TRIOBP: variants seen among roughly 807,000 people sequenced by gnomAD.
The protein encoded by TRIOBP is TRIO and F-actin binding protein.
TRIOBP carries 169 observed loss-of-function variants against 238.8 expected under a neutral mutation model. The observed-to-expected ratio is 0.71, with a 90% CI of 0.62 to 0.80. The LOEUF (loss-of-function observed/expected upper bound fraction) is 0.80, where lower values mean the gene tolerates loss of function less well. Ranked by LOEUF, TRIOBP falls within the 30% of genes least tolerant of loss-of-function variation. The pLI, the probability that TRIOBP is intolerant of heterozygous loss-of-function variation, is 0.00. For synonymous variants in TRIOBP, 1,150 were observed against 1,274.4 expected (o/e 0.90, Z 2.08); for missense variants, 2,838 against 3,122.6 (o/e 0.91, Z 2.17).
chr22:37,770,717 C>CTG (rs1018600872), intron 21 of TRIOBP, among the ~76,000 whole-genome samples: 1 of 147,490 alleles, frequency 6.8e-6, no homozygotes, highest in Non-Finnish European at 1.5e-5. Context: ...CGGAGTCACT[C>CTG]TGTCACCCAG....
chr22:37,764,335 G>A (rs1006162572), intron 17 of TRIOBP, among the ~76,000 whole-genome samples: 3 of 152,178 alleles, frequency 2.0e-5, no homozygotes, highest in African/African-American at 2.4e-5. Flanking sequence ...AGGTCTGCAC[G>A]TTTGTTCCCG....
At chr22:37,765,956 G>A (rs2145878534) in intron 18 of TRIOBP, 139 bp downstream of exon 18, 4 of 1,216,384 alleles carry the variant, frequency 3.3e-6, no homozygotes, top group Non-Finnish European at 4.5e-6. Flanking sequence ...GTCAGCAGGT[G>A]TTAGAAGCTC....
At chr22:37,708,879 G>A (rs1923089172) in intron 3 of TRIOBP, among the ~76,000 whole-genome samples, 1 of 152,214 alleles carries the variant, frequency 6.6e-6, no homozygotes, top group Admixed American at 6.5e-5. Context: ...ACTCAAGTGG[G>A]TGGTGTGGGG....
Position 37,772,624 on chromosome 22 carries a change from G to A in TRIOBP, c.6960G>A (p.Lys2320=). Residue 2320 remains lysine, a synonymous_variant, in exon 23 of 24, where the codon AAG becomes AAA. Transcript: ENST00000644935. The part of the protein sequence containing the change: ...MQKDKRFTSG[K]YQDVYVELSH... ...AGGACAAGCGCTTCACCTCGGGAAA[G>A]TACCAGGACGTCTATGTGGAGCTGA... 6.2e-7 allele frequency: 1 copy of A among 1,614,174 alleles called. No individual in the cohort carries two copies. The highest frequency in any genetic ancestry group is 8.5e-7 in the Non-Finnish European group (1 of 1,180,046).
chr22:37,716,523 G>C (rs1923529201), intron 6 of TRIOBP, among the ~76,000 whole-genome samples: 2 of 151,896 alleles, frequency 1.3e-5, no homozygotes, highest in East Asian at 3.9e-4. Context: ...TCCGCCTCCT[G>C]GGTTCAAGAG....
chr22:37,730,051 AT>A (rs1189236905), intron 7 of TRIOBP, among the ~76,000 whole-genome samples: 7 of 151,522 alleles, frequency 4.6e-5, no homozygotes, highest in African/African-American at 1.7e-4. Context: ...CTTGATCTTA[AT>A]TTTTTTTTCC....
chr22:37,738,755 G>A, intron 10 of TRIOBP, 36 bp downstream of exon 10: 1 of 1,606,434 alleles, frequency 6.2e-7, no homozygotes, highest in South Asian at 1.1e-5. Flanking sequence ...ATACGGTGGG[G>A]AAGGGAGGGG....
At position 37,757,959 on chromosome 22, in the gene TRIOBP, G is replaced by A; in HGVS notation, c.6034G>A (p.Ala2012Thr). Residue 2012 changes from alanine (A) to threonine (T), a missense_variant, in exon 16 of 24, where the codon GCC (alanine) becomes ACC (threonine). By Grantham distance (58) the Ala-to-Thr change is moderately conservative (BLOSUM62 0). Coordinates refer to ENST00000644935, the MANE Select transcript of TRIOBP (RefSeq NM_001039141.3). ...AGEGPRRGLG[A>T]PLTEDQQNRL... ...TGAGGGGCCGCGCCGGGGCCTGGGT[G>A]CCCCCCTGACTGAGGACCAGCAAAA... 3 of 1,569,420 alleles carry A rather than the reference G, an allele frequency of 1.9e-6. No individual in the cohort carries two copies. Among genetic ancestry groups the A allele is most frequent in the Non-Finnish European group, 2.6e-6 (3 of 1,158,104 alleles).
At position 37,758,624 on chromosome 22, in the gene TRIOBP, C is replaced by T. The variant is rs564412607; in HGVS notation, c.6213+486C>T. Among the ~76,000 whole-genome samples, 3 of 151,916 alleles carry T rather than the reference C, an allele frequency of 2.0e-5. No homozygotes were observed. The East Asian group carries it at 5.8e-4, about 29-fold the overall frequency. On this transcript the variant is annotated intron_variant, in intron 16 of 23. Transcript: ENST00000644935. ...CCGGGAGGCAGAGGATGCAGTGAGC[C>T]AAGATCAAGCCACTGCACTCCAGCA...
In TRIOBP at chr22:37,746,568, A is replaced by C. The variant is rs1050643196; in HGVS notation, c.5323-5204A>C. The C allele has an allele frequency of 9.9e-6, 7 of 706,110 alleles. 1 individual carries two copies. The Middle Eastern group carries it at 1.7e-3, about 172-fold the overall frequency. The allele number at this position is 706,110 out of a possible 1,614,324, so 43.7% of individuals were successfully genotyped here. On this transcript the variant is annotated intron_variant, in intron 11 of 23. Transcript: ENST00000644935. ...GGGCCGGAAGACGGGGCCACCTCCG[A>C]AGCGCTTTCGGCCAGACCGGCCTCA...
intron 10 of TRIOBP, 97 bp downstream of exon 10, chr22:37,738,816 C>A: frequency 1.5e-6 from 2 of 1,344,354 alleles, no homozygotes; most frequent in Non-Finnish European, 2.1e-6. Flanking sequence ...TAGAATCAAC[C>A]AGACCAAAGT....
At chr22:37,736,950 C>T (rs751083550) in intron 9 of TRIOBP, among the ~76,000 whole-genome samples, 7 of 152,316 alleles carry the variant, frequency 4.6e-5, no homozygotes, top group South Asian at 4.1e-4. Context: ...TTAGCCACCA[C>T]GTCACAAAGC....
chr22:37,750,684 G>A (rs1032084243), intron 11 of TRIOBP: 5 of 471,008 alleles, frequency 1.1e-5, no homozygotes, highest in South Asian at 1.5e-5. Flanking sequence ...TGGGTCCCCC[G>A]ACTGTGGCTG....
intron 14 of TRIOBP, 180 bp downstream of exon 14, chr22:37,755,370 C>A: frequency 1.1e-6 from 1 of 909,288 alleles, no homozygotes; most frequent in Non-Finnish European, 1.7e-6. Flanking sequence ...GGGGGAGACG[C>A]TGGAGCCAGC....
chr22:37,703,865 A>G (rs1282637888), intron 3 of TRIOBP, among the ~76,000 whole-genome samples: 2 of 152,160 alleles, frequency 1.3e-5, no homozygotes, highest in Admixed American at 6.6e-5. Flanking sequence ...GTTCAGGTTC[A>G]GGGAACAGAT....
In TRIOBP at chr22:37,725,568, G is replaced by A. The variant is rs1423862262; in HGVS notation, c.3012G>A (p.Leu1004=). Reference sequence around the variant, plus strand: ...ACCCCGCTGCCTATGGGGCTCCCCTGACCTCTCCTGAGCCCTCCCAGCCTC... The same window carrying A: ...ACCCCGCTGCCTATGGGGCTCCCCTAACCTCTCCTGAGCCCTCCCAGCCTC... ...PVYPAAYGAP[L]TSPEPSQPPC... is the part of the protein sequence containing the mutation. Residue 1004 remains leucine (L), a synonymous_variant, in exon 7 of 24, where the codon CTG becomes CTA. Coordinates refer to ENST00000644935, the MANE Select transcript of TRIOBP (RefSeq NM_001039141.3). 1.2e-6 allele frequency: 2 copies of A among 1,613,462 alleles called. No homozygotes were observed. The highest frequency in any genetic ancestry group is 1.7e-6 in the Non-Finnish European group (2 of 1,179,966).
At chr22:37,759,039 TC>T in intron 16 of TRIOBP, 114 bp from the exon 17 acceptor site, 2 of 883,358 alleles carry the variant, frequency 2.3e-6, no homozygotes, top group South Asian at 1.4e-5. Flanking sequence ...TCCTAAGCCT[TC>T]CAGGGACGCT....
At chr22:37,712,396 A>G (rs956187499) in intron 4 of TRIOBP, among the ~76,000 whole-genome samples, 5 of 151,944 alleles carry the variant, frequency 3.3e-5, no homozygotes, top group African/African-American at 1.2e-4. Flanking sequence ...CAATGGCACG[A>G]TCTTGGCTCA....
Position 37,740,994 on chromosome 22 carries a change from C to A in TRIOBP, c.5284C>A (p.Pro1762Thr), listed in dbSNP as rs1211105629. ...CGGGGACCGGCCCACGCTGTTCAAT[C>A]CGTTCCTGCTGTCTCTGGGGGTCCT... ...MPGDRPTLFN[P>T]FLLSLGVLRW... The change falls in exon 11 of 24, where the codon CCG becomes ACG. Residue 1762 changes from proline (P) to threonine (T), a missense_variant. By Grantham distance (38) the Pro-to-Thr change is conservative. Coordinates refer to ENST00000644935, the MANE Select transcript of TRIOBP (RefSeq NM_001039141.3). 3 of 1,560,736 alleles carry A rather than the reference C, an allele frequency of 1.9e-6. No individual in the cohort carries two copies. Among genetic ancestry groups the A allele is most frequent in the Non-Finnish European group, 1.7e-6 (2 of 1,151,940 alleles).
Sources: allele counts gnomAD v4.1 joint callset (sites outside exome capture counted in the v4.1 genomes callset), GRCh38; gene constraint gnomAD v4.1.1; transcripts MANE v1.5; gene names NCBI Gene and HGNC (gene_info 2026-07-23, HGNC 2026-07-21).